The following STRADA variants were observed in gnomAD, a reference collection of about 807,000 sequenced individuals.
STRADA encodes STE20-related kinase adapter protein alpha.
Under a neutral mutation model 55.0 loss-of-function variants are expected in STRADA, and 26 were observed. The ratio of observed to expected loss-of-function variants is 0.47; its 90% CI spans 0.35 to 0.66. The LOEUF is 0.66. STRADA is among the 30% of genes least tolerant of loss of function. The pLI is 0.01. For missense variants in STRADA, 443 were observed against 549.7 expected (o/e 0.81, Z 1.94); for synonymous variants, 197 against 210.9 (o/e 0.93, Z 0.57).
intron 8 of STRADA, among the ~76,000 whole-genome samples, chr17:63,708,758 C>T (rs774864369): frequency 5.9e-5 from 9 of 152,204 alleles, no homozygotes; most frequent in Non-Finnish European, 1.3e-4. Flanking sequence ...TGGTCTCGAA[C>T]TCCTGACCTC....
chr17:63,739,252 C>T (rs2038690031), intron 1 of STRADA, among the ~76,000 whole-genome samples: 1 of 151,524 alleles, frequency 6.6e-6, no homozygotes, highest in Non-Finnish European at 1.5e-5. Context: ...AATAACTGCA[C>T]ACAGGTATTT....
chr17:63,719,470 CCA>C (rs2037133980), intron 4 of STRADA, among the ~76,000 whole-genome samples: 1 of 152,046 alleles, frequency 6.6e-6, no homozygotes, highest in African/African-American at 2.4e-5. Context: ...TTTGGAGAAA[CCA>C]CAGATAGATA....
rs749005146 is a variant in STRADA at position 63,703,641 on chromosome 17, T to A, written c.1254A>T (p.Val418=). The change falls in exon 13 of 13, where the codon GTA becomes GTT. Residue 418 remains valine (V), a synonymous_variant. Coordinates refer to ENST00000336174, the MANE Select transcript of STRADA (RefSeq NM_001003787.4). ...CCACCTCCAGCTCTTCCAGGTTTGT[T>A]ACCAGGCCAAAGATTCCACTGTGGT... is the stretch of plus-strand genomic sequence containing the variant. ...SQDHSGIFGL[V]TNLEELEVDD... is the part of the protein sequence containing the mutation. 10 of 1,614,216 alleles carry A rather than the reference T, an allele frequency of 6.2e-6. No homozygotes were observed. The South Asian group carries it at 9.9e-5, about 16-fold the overall frequency.
intron 6 of STRADA, 147 bp from the exon 7 acceptor site, chr17:63,710,983 A>G: frequency 1.5e-6 from 1 of 682,702 alleles, no homozygotes; most frequent in Non-Finnish European, 2.4e-6. Flanking sequence ...GGTGCCTGCC[A>G]ACATAGGAAA....
At chr17:63,716,662 T>G (rs940617014) in intron 4 of STRADA, among the ~76,000 whole-genome samples, 3 of 152,116 alleles carry the variant, frequency 2.0e-5, no homozygotes, top group Non-Finnish European at 4.4e-5. Flanking sequence ...GGAAAAAGTT[T>G]CCATGTCCAG....
chr17:63,726,990 T>C, intron 2 of STRADA: 1 of 391,670 alleles, frequency 2.6e-6, no homozygotes, highest in Non-Finnish European at 4.6e-6. Flanking sequence ...GGTTCCATCT[T>C]ACTCGTTCTA....
chr17:63,704,631 G>C (rs1555697008), intron 10 of STRADA, 49 bp from the exon 11 acceptor site: 1 of 858,394 alleles, frequency 1.2e-6, no homozygotes, highest in Non-Finnish European at 1.7e-6. Context: ...GGGGGGGGGG[G>C]GTGGTCCCTG....
At chr17:63,715,583 T>TAGCTGAGATTATTGGCAGG (rs1274017609) in intron 4 of STRADA, 2 of 152,170 alleles carry the variant, frequency 1.3e-5, no homozygotes, top group South Asian at 4.1e-4. Context: ...GCCTCCCAAG[T>TAGCTGAGATTATTGGCAGG]AGCTGAGATT....
chr17:63,713,462 T>C lies in STRADA; in HGVS notation c.292A>G (p.Thr98Ala). The stretch of plus-strand genomic sequence containing the variant: ...GCTTCTAGGTTAATCCTCCGTACAG[T>C]CACGTACTCTCCTGTTGGTTTGTAC... ...ARYKPTGEYV[T>A]VRRINLEACS... Residue 98 changes from threonine (T) to alanine (A), a missense_variant, in exon 6 of 13, where the codon ACT becomes GCT. Thr to Ala is a moderately conservative substitution (Grantham distance 58, BLOSUM62 0). Coordinates refer to ENST00000336174, the MANE Select transcript of STRADA (RefSeq NM_001003787.4). 6.2e-7 allele frequency: 1 copy of C among 1,614,180 alleles called. No individual in the cohort carries two copies. Among genetic ancestry groups the C allele is most frequent in the East Asian group, 2.2e-5 (1 of 44,884 alleles).
chr17:63,736,150 C>A (rs1480587262), intron 1 of STRADA, among the ~76,000 whole-genome samples: 1 of 152,038 alleles, frequency 6.6e-6, no homozygotes, highest in Non-Finnish European at 1.5e-5. Flanking sequence ...CCATGTTGGC[C>A]AGGCTGGTCT....
Position 63,714,124 on chromosome 17 carries a change from A to G in STRADA, c.124-16T>C, listed in dbSNP as rs1823251019. 8 of 1,609,114 alleles carry G rather than the reference A, an allele frequency of 5.0e-6. No individual in the cohort carries two copies. The highest frequency in any genetic ancestry group is 6.8e-6 in the Non-Finnish European group (8 of 1,175,938). ...CATCATTGGTCTAAAAAAGAAAAAG[A>G]AAAATAGGTTAGTAGAGAAAACTGG... On this transcript the variant is annotated splice_polypyrimidine_tract_variant and intron_variant, in intron 4 of 12. Transcript: ENST00000336174.
chr17:63,716,924 A>G (rs1387971429), intron 4 of STRADA, among the ~76,000 whole-genome samples: 1 of 152,250 alleles, frequency 6.6e-6, no homozygotes, highest in African/African-American at 2.4e-5. Context: ...ATAGAGGCAG[A>G]ATTTGAACTC....
chr17:63,740,105 T>TATATATATAC (rs1354662253), intron 1 of STRADA, among the ~76,000 whole-genome samples: 1 of 56,666 alleles, frequency 1.8e-5, no homozygotes, highest in African/African-American at 1.2e-4. Flanking sequence ...TATATATATA[T>TATATATATAC]ATACATACAT....
chr17:63,704,947 C>T lies in STRADA; in HGVS notation c.859-365G>A, dbSNP rs1171248126. On this transcript the variant is annotated intron_variant, in intron 10 of 12. Coordinates refer to ENST00000336174, the MANE Select transcript of STRADA (RefSeq NM_001003787.4). ...GCAGTCAGATGAACCTGCTTTGAAGCCCAGCCGTCTGCCATGCTCAGGTGG... is the reference window on the plus strand; with the variant it reads ...GCAGTCAGATGAACCTGCTTTGAAGTCCAGCCGTCTGCCATGCTCAGGTGG... The T allele has an allele frequency of 3.9e-6, 6 of 1,521,026 alleles. No individual in the cohort carries two copies. The African/African-American group carries it at 5.5e-5, about 14-fold the overall frequency. 94.2% of individuals were successfully genotyped at this position (1,521,026 alleles called of 1,614,324 possible). A position where few individuals can be genotyped will look rare whatever the true frequency, so the allele number is the denominator to read the frequency against.
chr17:63,725,533 G>A (rs113089680), intron 3 of STRADA, among the ~76,000 whole-genome samples: 2,466 of 151,892 alleles, frequency 0.016, 69 homozygotes, highest in African/African-American at 0.055. Context: ...TGTATTTTTA[G>A]TAGAGATGTG....
intron 6 of STRADA, among the ~76,000 whole-genome samples, chr17:63,712,219 C>CGTTTTGTTTT (rs1162365941): frequency 6.6e-6 from 1 of 152,234 alleles, no homozygotes; most frequent in East Asian, 1.9e-4. Flanking sequence ...AGTCTCTCTC[C>CGTTTTGTTTT]GTTTTGTTTT....
intron 1 of STRADA, among the ~76,000 whole-genome samples, chr17:63,740,141 T>TAG (rs1390181125): frequency 2.4e-5 from 1 of 41,576 alleles, no homozygotes. Context: ...CATACATATA[T>TAG]ATATATACAC....
intron 1 of STRADA, among the ~76,000 whole-genome samples, chr17:63,736,391 G>A (rs1443323881): frequency 6.6e-6 from 1 of 151,866 alleles, no homozygotes; most frequent in Non-Finnish European, 1.5e-5. Context: ...GCTTTGGGAG[G>A]CTGAAGCGGG....
chr17:63,703,392 T>G lies in STRADA; in HGVS notation c.*207A>C. On this transcript the variant is annotated 3_prime_UTR_variant, in exon 13 of 13. Transcript: ENST00000336174. ...TTGGACCCTCCTGATCCCTGGTTGTTGAGATTCCCTTGTGTCTCAAAAGCC... is the reference window on the plus strand; with the variant it reads ...TTGGACCCTCCTGATCCCTGGTTGTGGAGATTCCCTTGTGTCTCAAAAGCC... 6.7e-5 allele frequency: 37 copies of G among 551,774 alleles called. No individual in the cohort carries two copies. The highest frequency in any genetic ancestry group is 9.6e-5 in the East Asian group (3 of 31,146). 34.2% of individuals were successfully genotyped at this position (551,774 alleles called of 1,614,324 possible).
Sources: gnomAD v4.1 joint callset for allele counts (sites outside exome capture counted in the v4.1 genomes callset) on GRCh38, gnomAD v4.1.1 for gene constraint, MANE v1.5 for transcripts, NCBI Gene and HGNC (gene_info 2026-07-23, HGNC 2026-07-21) for gene names.